The following NYX variants were observed in gnomAD, a reference collection of about 807,000 sequenced individuals.
NYX encodes nyctalopin.
For missense variants in NYX, 481 were observed against 485.4 expected, an observed-to-expected ratio of 0.99 and a Z score of 0.09; for synonymous variants, 258 against 245.7, an observed-to-expected ratio of 1.05 and a Z score of -0.47.
At chrX:41,457,255 G>A (rs1220493649) in intron 2 of NYX, among the ~76,000 whole-genome samples, 14 of 100,449 alleles carry the variant, frequency 1.4e-4, no homozygotes, top group Non-Finnish European at 2.6e-4. Flanking sequence ...GCAGTGAGCC[G>A]AGATCGTGTC....
rs778001025 is a variant in NYX, at chrX:41,474,605, C to T, written c.1137C>T (p.Gly379=). The T allele has an allele frequency of 2.4e-5, 29 of 1,198,074 alleles. No individual in the cohort carries two copies. The highest frequency in any genetic ancestry group is 6.8e-5 in the Admixed American group (3 of 44,180). ...TGACCTTCGGGCGCTCCTCCGATGG[C>T]CTCTGTGTGGACCCCGAGGAGCTGA... ...SQVTFGRSSD[G]LCVDPEELNL... The change falls in exon 3 of 3, where the codon GGC becomes GGT. Residue 379 remains glycine, a synonymous_variant. Transcript: ENST00000378220.
intron 2 of NYX, among the ~76,000 whole-genome samples, chrX:41,466,243 A>G (rs1322195603): frequency 1.8e-5 from 2 of 110,708 alleles, no homozygotes; most frequent in Admixed American, 9.7e-5. Flanking sequence ...CAGCCTCGGC[A>G]ACATAGTGAT....
intron 2 of NYX, among the ~76,000 whole-genome samples, chrX:41,458,243 T>G (rs1353012296): frequency 2.7e-5 from 3 of 111,835 alleles, no homozygotes; most frequent in African/African-American, 9.7e-5. Context: ...ATTCAAACCA[T>G]AGTATGCAGT....
rs750467200 is a variant in NYX at position 41,473,609 on chromosome X, C to T, written c.141C>T (p.Gly47=). 15 of 1,040,184 alleles carry T rather than the reference C, an allele frequency of 1.4e-5. No homozygotes were observed. The South Asian group carries it at 3.4e-4, about 24-fold the overall frequency. The allele number at this position is 1,040,184 out of a possible 1,213,427, so 85.7% of individuals were successfully genotyped here. ...RGCSVRCDRA[G]LLRVPAELPC... ...GCTCGGTGCGCTGCGACCGCGCGGG[C>T]CTCCTGCGGGTGCCGGCCGAGCTCC... The change falls in exon 3 of 3, where the codon GGC becomes GGT. Residue 47 remains glycine, a synonymous_variant. Transcript: ENST00000378220.
intron 2 of NYX, among the ~76,000 whole-genome samples, chrX:41,460,328 C>T (rs2064313779): frequency 9.1e-6 from 1 of 110,129 alleles, no homozygotes; most frequent in Non-Finnish European, 1.9e-5. Context: ...CTACCACATC[C>T]GGCTAATTTT....
intron 2 of NYX, among the ~76,000 whole-genome samples, chrX:41,454,460 A>G (rs1192511015): frequency 9.0e-6 from 1 of 110,601 alleles, no homozygotes; most frequent in African/African-American, 3.3e-5. Flanking sequence ...CTATAGGTGC[A>G]TGCCACCATG....
At chrX:41,454,320 CT>C (rs763002563) in intron 2 of NYX, among the ~76,000 whole-genome samples, 7 of 106,683 alleles carry the variant, frequency 6.6e-5, no homozygotes, top group Admixed American at 1.0e-4. Context: ...CACATGGTCC[CT>C]TTTTTTTTTG....
Position 41,447,943 on chromosome X carries a change from G to C in NYX, c.22+17G>C. The C allele has an allele frequency of 8.3e-7, 1 of 1,206,947 alleles. No homozygotes were observed. Among genetic ancestry groups the C allele is most frequent in the Non-Finnish European group, 1.1e-6 (1 of 891,811 alleles). On this transcript the variant is annotated intron_variant, in intron 2 of 2. Transcript: ENST00000378220. Reference sequence around the variant, plus strand: ...TTCTGCATGGTGAGTTCTCCTGCCGGTGGGTGCAAGGGTTGGGAAGAGGGG... The same window carrying C: ...TTCTGCATGGTGAGTTCTCCTGCCGCTGGGTGCAAGGGTTGGGAAGAGGGG...
chrX:41,454,122 T>G (rs1216858247), intron 2 of NYX, among the ~76,000 whole-genome samples: 1 of 111,812 alleles, frequency 8.9e-6, no homozygotes, highest in African/African-American at 3.2e-5. Flanking sequence ...CCCCTGAAGA[T>G]TCTGATGTAA....
intron 2 of NYX, among the ~76,000 whole-genome samples, chrX:41,452,884 G>T (rs1335821700): frequency 3.6e-5 from 4 of 111,760 alleles, no homozygotes; most frequent in Non-Finnish European, 7.5e-5. Context: ...CCACAGCATG[G>T]TCTCCGCCTC....
At chrX:41,457,825 G>C (rs1466653856) in intron 2 of NYX, among the ~76,000 whole-genome samples, 1 of 111,462 alleles carries the variant, frequency 9.0e-6, no homozygotes, top group Non-Finnish European at 1.9e-5. Context: ...GCAGTGGCTG[G>C]CAACACCTGC....
Position 41,474,492 on chromosome X carries a change from C to A in NYX, c.1024C>A (p.Leu342Met). The change falls in exon 3 of 3, where the codon CTG (leucine) becomes ATG (methionine). Residue 342 changes from leucine (L) to methionine (M), a missense_variant. Transcript: ENST00000378220. ...GTGCTGCGACTGCCGTCTGGAGTGG[C>A]TGAGGGACTGGATGGAGGGCTCCGG... ...PWCCDCRLEW[L>M]RDWMEGSGRV... The A allele has an allele frequency of 8.3e-7, 1 of 1,209,112 alleles. No individual in the cohort carries two copies. Among genetic ancestry groups the A allele is most frequent in the Non-Finnish European group, 1.1e-6 (1 of 895,258 alleles).
At chrX:41,452,548 T>C (rs2064284194) in intron 2 of NYX, among the ~76,000 whole-genome samples, 1 of 111,431 alleles carries the variant, frequency 9.0e-6, no homozygotes, top group African/African-American at 3.3e-5. Context: ...TGCCTAGTAA[T>C]ATTCATTTGT....
rs2064385829 is a variant in NYX at position 41,475,087 on chromosome X, G to T, written c.*188G>T. On this transcript the variant is annotated 3_prime_UTR_variant, in exon 3 of 3. Coordinates refer to ENST00000378220, the MANE Select transcript of NYX (RefSeq NM_001378477.3). ...GAGGGGGAGGATGGTATGGATTTCT[G>T]CTTTTGTCACACGGGCATCCATTGG... is the stretch of plus-strand genomic sequence containing the variant. 1.1e-5 allele frequency: 5 copies of T among 461,702 alleles called. No homozygotes were observed. The highest frequency in any genetic ancestry group is 3.3e-5 in the Admixed American group (1 of 30,434). The allele number at this position is 461,702 out of a possible 1,213,427, so 38.0% of individuals were successfully genotyped here.
chrX:41,450,273 G>GT (rs1358320017), intron 2 of NYX, among the ~76,000 whole-genome samples: 1 of 111,949 alleles, frequency 8.9e-6, no homozygotes, highest in Non-Finnish European at 1.9e-5. Context: ...GTGTGTTTGT[G>GT]TTTTTTGTGT....
intron 2 of NYX, among the ~76,000 whole-genome samples, chrX:41,453,653 A>G (rs2064289387): frequency 9.0e-6 from 1 of 111,102 alleles, no homozygotes; most frequent in Non-Finnish European, 1.9e-5. Flanking sequence ...ATGGGGTTTC[A>G]CCATGTTGCC....
intron 2 of NYX, 135 bp downstream of exon 2, chrX:41,448,061 T>C: frequency 1.6e-6 from 1 of 621,458 alleles, no homozygotes; most frequent in Non-Finnish European, 2.6e-6. Flanking sequence ...ACTGACCCTG[T>C]GATCGTGGGG....
At chrX:41,452,052 C>T (rs1195842132) in intron 2 of NYX, among the ~76,000 whole-genome samples, 2 of 111,173 alleles carry the variant, frequency 1.8e-5, no homozygotes, top group Non-Finnish European at 3.8e-5. Flanking sequence ...TGGCTCACTG[C>T]AGCCTCAACC....
chrX:41,454,077 C>A (rs1301998946), intron 2 of NYX, among the ~76,000 whole-genome samples: 1 of 112,070 alleles, frequency 8.9e-6, no homozygotes, highest in East Asian at 2.8e-4. Context: ...TGGTAATCAC[C>A]TGTGGAGCTT....
Sources: allele counts gnomAD v4.1 joint callset (sites outside exome capture counted in the v4.1 genomes callset), GRCh38; gene constraint gnomAD v4.1.1; transcripts MANE v1.5; gene names NCBI Gene and HGNC (gene_info 2026-07-23, HGNC 2026-07-21).